Variants in ACSS3 observed in about 807,000 individuals in gnomAD.
The protein encoded by ACSS3 is acyl-CoA synthetase short-chain family member 3, mitochondrial.
ACSS3 carries 64 observed loss-of-function variants against 84.2 expected under a neutral mutation model. That is an observed-to-expected ratio of 0.76 (90% confidence interval 0.62 to 0.94). The LOEUF is 0.94. Among genes scored for constraint, ACSS3 ranks in the 40% least tolerant of loss-of-function variants. The pLI is 0.00. For synonymous variants in ACSS3, 317 were observed against 310.1 expected, an observed-to-expected ratio of 1.02 and a Z score of -0.23; for missense variants, 815 against 867.6, an observed-to-expected ratio of 0.94 and a Z score of 0.76.
chr12:81,234,505 A>G (rs1179620085), intron 13 of ACSS3, among the ~76,000 whole-genome samples: 1 of 151,460 alleles, frequency 6.6e-6, no homozygotes, highest in East Asian at 1.9e-4. Flanking sequence ...GCTATTTTAC[A>G]TAGCCACCAG....
intron 8 of ACSS3, among the ~76,000 whole-genome samples, chr12:81,183,902 G>A (rs1446050465): frequency 6.6e-6 from 1 of 151,896 alleles, no homozygotes; most frequent in Non-Finnish European, 1.5e-5. Flanking sequence ...AAATTAATAA[G>A]GTGATACTGG....
In ACSS3 at chr12:81,256,635, A is replaced by G. The variant is rs2034309465; in HGVS notation, c.*1713A>G. ...ACTCAGGATACATGAAATGTATGTG[A>G]GAGATAAATAGATAATAGAAAGTTT... On this transcript the variant is annotated 3_prime_UTR_variant, in exon 16 of 16. Coordinates refer to ENST00000548058, the MANE Select transcript of ACSS3 (RefSeq NM_024560.4). 6.6e-6 allele frequency: 1 copy of G among 152,186 alleles called. No homozygotes were observed. The highest frequency in any genetic ancestry group is 6.6e-5 in the Admixed American group (1 of 15,266). The allele number at this position is 152,186 out of a possible 1,614,324, so 9.4% of individuals were successfully genotyped here. A position where few individuals can be genotyped will look rare whatever the true frequency, so the allele number is the denominator to read the frequency against.
chr12:81,101,029 A>G (rs1230264596), intron 1 of ACSS3, among the ~76,000 whole-genome samples: 1 of 152,182 alleles, frequency 6.6e-6, no homozygotes, highest in East Asian at 1.9e-4. Flanking sequence ...TGTGATCTGA[A>G]GGTTCTGTGT....
chr12:81,230,752 C>CT (rs988880311), intron 11 of ACSS3, among the ~76,000 whole-genome samples: 1 of 151,600 alleles, frequency 6.6e-6, no homozygotes, highest in East Asian at 1.9e-4. Flanking sequence ...TTTTTTGGTT[C>CT]TTTTTTTGCA....
intron 7 of ACSS3, among the ~76,000 whole-genome samples, chr12:81,158,820 A>G (rs1887008502): frequency 1.3e-5 from 2 of 151,974 alleles, no homozygotes; most frequent in South Asian, 4.2e-4. Flanking sequence ...AGCACATTGC[A>G]TTTTCCCTTG....
chr12:81,139,901 C>T (rs901188515), intron 4 of ACSS3, among the ~76,000 whole-genome samples: 3 of 152,044 alleles, frequency 2.0e-5, no homozygotes, highest in African/African-American at 4.8e-5. Flanking sequence ...CCCCAAAGTG[C>T]TGGGATTACA....
Position 81,134,991 on chromosome 12 carries a change from T to A in ACSS3, c.632T>A (p.Ile211Asn). The stretch of plus-strand genomic sequence containing the variant: ...GCTTCCAAAGAACTAAGTAGTCGCA[T>A]TGATCATGTAAAGGTAAGTGCTTTA... ...GFASKELSSR[I>N]DHVKPKVVVT... is the part of the protein sequence containing the mutation. Residue 211 changes from isoleucine to asparagine, a missense_variant, in exon 3 of 16, where the codon ATT (isoleucine) becomes AAT (asparagine). By Grantham distance (149) the Ile-to-Asn change is moderately radical. Transcript: ENST00000548058. 6.2e-7 allele frequency: 1 copy of A among 1,600,418 alleles called. No homozygotes were observed. Among genetic ancestry groups the A allele is most frequent in the Non-Finnish European group, 8.5e-7 (1 of 1,172,386 alleles).
intron 13 of ACSS3, among the ~76,000 whole-genome samples, chr12:81,242,550 A>C (rs2033842933): frequency 6.6e-6 from 1 of 150,852 alleles, no homozygotes; most frequent in African/African-American, 2.4e-5. Flanking sequence ...GCAGAGACAC[A>C]ACCAAAAAAG....
chr12:81,217,130 G>T, intron 10 of ACSS3, 134 bp downstream of exon 10: 1 of 595,356 alleles, frequency 1.7e-6, no homozygotes, highest in Non-Finnish European at 2.9e-6. Context: ...TATTAAAAAT[G>T]AATGCCTTAA....
chr12:81,163,052 T>C (rs1442538790), intron 7 of ACSS3, among the ~76,000 whole-genome samples: 1 of 151,968 alleles, frequency 6.6e-6, no homozygotes, highest in African/African-American at 2.4e-5. Flanking sequence ...ACTGGGATCC[T>C]ATCCCACCAG....
rs115181253 is a variant in ACSS3 at position 81,187,885 on chromosome 12, C to T, written c.1251-11456C>T. ...TTTGTGTATGTATGACTCAAGGTTA[C>T]GCAGGTAAGCCTGAGGCTACATAAA... On this transcript the variant is annotated intron_variant, in intron 8 of 15. Coordinates refer to ENST00000548058, the MANE Select transcript of ACSS3 (RefSeq NM_024560.4). Among the ~76,000 whole-genome samples, 1,131 of 151,758 alleles carry T rather than the reference C, an allele frequency of 7.5e-3. 8 individuals are homozygous for T. The highest frequency in any genetic ancestry group is 0.026 in the African/African-American group (1,081 of 41,454).
At chr12:81,094,686 G>A (rs12317201) in intron 1 of ACSS3, 48,165 of 152,054 alleles carry the variant, frequency 0.32, 7,955 homozygotes, top group Admixed American at 0.44. Context: ...CTGTAGAGGA[G>A]CATTTCATCA....
chr12:81,228,384 AT>A (rs2033340919), intron 11 of ACSS3, among the ~76,000 whole-genome samples: 1 of 151,758 alleles, frequency 6.6e-6, no homozygotes, highest in South Asian at 2.1e-4. Context: ...GAAAATGTGT[AT>A]TGTCCTTGTT....
intron 13 of ACSS3, among the ~76,000 whole-genome samples, chr12:81,243,313 G>T (rs140221379): frequency 0.019 from 2,833 of 152,184 alleles, 51 homozygotes; most frequent in Non-Finnish European, 0.026. Context: ...GGACGTGAAG[G>T]ACCTCTTCAA....
chr12:81,135,463 A>AAT (rs1446414941), intron 3 of ACSS3, among the ~76,000 whole-genome samples: 2 of 144,392 alleles, frequency 1.4e-5, no homozygotes, highest in African/African-American at 5.2e-5. Flanking sequence ...TATAAAATAA[A>AAT]ATATATACAC....
chr12:81,251,075 CTAAAA>C (rs1316694488), intron 13 of ACSS3, among the ~76,000 whole-genome samples: 2 of 152,084 alleles, frequency 1.3e-5, no homozygotes, highest in African/African-American at 4.8e-5. Context: ...CACGATGAAA[CTAAAA>C]TAAGTCTGTG....
chr12:81,174,825 T>C lies in ACSS3; in HGVS notation c.1136T>C (p.Phe379Ser). ...GGAACACCAGATGCTGGCGCTTATT[T>C]CCGTGTGCTTGCAGAGCATGGAGTA... Reference protein sequence around the residue: ...PVGTPDAGAYFRVLAEHGVAA... With the variant: ...PVGTPDAGAYSRVLAEHGVAA... The change falls in exon 8 of 16, where the codon TTC (phenylalanine) becomes TCC (serine). Residue 379 changes from phenylalanine to serine, a missense_variant. By Grantham distance (155) the Phe-to-Ser change is radical. Transcript: ENST00000548058. 6.2e-7 allele frequency: 1 copy of C among 1,613,854 alleles called. No individual in the cohort carries two copies. Among genetic ancestry groups the C allele is most frequent in the Non-Finnish European group, 8.5e-7 (1 of 1,179,872 alleles).
intron 9 of ACSS3, among the ~76,000 whole-genome samples, chr12:81,200,901 A>G (rs2032072151): frequency 6.6e-6 from 1 of 151,440 alleles, no homozygotes; most frequent in South Asian, 2.1e-4. Flanking sequence ...AAAAAAAAAA[A>G]AAAAAGAAAA....
At chr12:81,234,789 C>G (rs1227625888) in intron 13 of ACSS3, among the ~76,000 whole-genome samples, 1 of 151,066 alleles carries the variant, frequency 6.6e-6, no homozygotes, top group Non-Finnish European at 1.5e-5. Context: ...TTTATATATT[C>G]TATATACAAG....
Sources: gnomAD v4.1 joint callset for allele counts (sites outside exome capture counted in the v4.1 genomes callset) on GRCh38, gnomAD v4.1.1 for gene constraint, MANE v1.5 for transcripts, NCBI Gene and HGNC (gene_info 2026-07-23, HGNC 2026-07-21) for gene names.